Variants in POM121 observed in about 807,000 individuals in gnomAD.
The protein encoded by POM121 is POM121 transmembrane nucleoporin.
POM121 carries 32 observed loss-of-function variants against 81.3 expected under a neutral mutation model. The observed-to-expected ratio is 0.39, with a 90% CI of 0.30 to 0.53. The LOEUF (loss-of-function observed/expected upper bound fraction) is 0.53, where lower values mean the gene tolerates loss of function less well. Ranked by LOEUF, POM121 falls within the 20% of genes least tolerant of loss-of-function variation. POM121 has a pLI of 0.66. For missense variants in POM121, 1,138 were observed against 1,614.6 expected (o/e 0.70, Z 5.06); for synonymous variants, 514 against 694.2 (o/e 0.74, Z 4.08).
intron 3 of POM121, among the ~76,000 whole-genome samples, chr7:72,912,040 C>G (rs552057062): frequency 6.6e-6 from 1 of 152,182 alleles, no homozygotes. Context: ...TACAGGTTCA[C>G]GCTACCATGC....
intron 4 of POM121, among the ~76,000 whole-genome samples, chr7:72,919,921 T>C (rs1436489532): frequency 1.3e-5 from 2 of 152,236 alleles, no homozygotes; most frequent in South Asian, 2.1e-4. Context: ...CATTCTTATC[T>C]TTGTTCCTGT....
chr7:72,905,900 G>A (rs1292090590), intron 3 of POM121, among the ~76,000 whole-genome samples: 13 of 152,174 alleles, frequency 8.5e-5, no homozygotes, highest in African/African-American at 3.1e-4. Flanking sequence ...CTAAGCTTCC[G>A]TATATCCTGT....
At chr7:72,900,416 T>C (rs1792491279) in intron 3 of POM121, among the ~76,000 whole-genome samples, 1 of 151,938 alleles carries the variant, frequency 6.6e-6, no homozygotes, top group Admixed American at 6.6e-5. Flanking sequence ...TTATTTTTAA[T>C]TGATCTTTTC....
chr7:72,922,770 A>C (rs1416448085), upstream of POM121, among the ~76,000 whole-genome samples: 2 of 151,046 alleles, frequency 1.3e-5, no homozygotes, highest in African/African-American at 4.9e-5. Flanking sequence ...CATCTCTTGA[A>C]CTCTAAACAC....
intron 3 of POM121, among the ~76,000 whole-genome samples, chr7:72,899,671 A>C (rs375344762): frequency 2.1e-5 from 3 of 145,132 alleles, no homozygotes; most frequent in African/African-American, 5.1e-5. Flanking sequence ...CTCCGCCTCC[A>C]GGGTTCACAC....
At chr7:72,945,795 G>A (rs1797633134) in intron 12 of POM121, 87 bp downstream of exon 12, 2 of 1,515,562 alleles carry the variant, frequency 1.3e-6, no homozygotes, top group Non-Finnish European at 1.8e-6. Flanking sequence ...CTGAGGCCCG[G>A]TGAAGATCAG....
At chr7:72,914,723 G>T (rs1309311595) in intron 4 of POM121, among the ~76,000 whole-genome samples, 2 of 152,162 alleles carry the variant, frequency 1.3e-5, no homozygotes, top group African/African-American at 4.8e-5. Context: ...CACAAAGCAG[G>T]TGGTGGTAGG....
At chr7:72,939,519 G>A in intron 7 of POM121, 110 bp downstream of exon 7, 7 of 1,448,368 alleles carry the variant, frequency 4.8e-6, no homozygotes, top group Non-Finnish European at 6.5e-6. Context: ...CTATGTCTAA[G>A]GCATGTTAGA....
intron 5 of POM121, among the ~76,000 whole-genome samples, chr7:72,935,918 T>C (rs1156589107): frequency 6.6e-6 from 1 of 152,176 alleles, no homozygotes; most frequent in Non-Finnish European, 1.5e-5. Context: ...GTATGTTCTT[T>C]AGGATTTTAG....
chr7:72,946,446 A>G lies in POM121; in HGVS notation c.*212A>G, dbSNP rs1797698901. On this transcript the variant is annotated 3_prime_UTR_variant, in exon 13 of 13. Coordinates refer to ENST00000434423, the MANE Select transcript of POM121 (RefSeq NM_001387691.1). ...AAGGGGAAGCAGGATGCGGAGGGCC[A>G]AAGCCCGGGACCTCTACTTGAACAG... 7.1e-7 allele frequency: 1 copy of G among 1,402,244 alleles called. No homozygotes were observed. Among genetic ancestry groups the G allele is most frequent in the Non-Finnish European group, 9.3e-7 (1 of 1,075,680 alleles). 86.9% of individuals were successfully genotyped at this position (1,402,244 alleles called of 1,614,324 possible). A position where few individuals can be genotyped will look rare whatever the true frequency, so the allele number is the denominator to read the frequency against.
At chr7:72,937,603 C>T (rs1310962542) in intron 5 of POM121, among the ~76,000 whole-genome samples, 29 of 151,262 alleles carry the variant, frequency 1.9e-4, no homozygotes, top group African/African-American at 5.2e-4. Flanking sequence ...TTAAGCATTG[C>T]TGGCTTCCTG....
In POM121 at chr7:72,925,218, A is replaced by G. The variant is rs1191856612; in HGVS notation, c.97A>G (p.Arg33Gly). 8 of 1,529,436 alleles carry G rather than the reference A, an allele frequency of 5.2e-6. No homozygotes were observed. In the East Asian group the frequency reaches 1.5e-4, roughly 28 times the overall value. 94.7% of individuals were successfully genotyped at this position (1,529,436 alleles called of 1,614,324 possible). A position where few individuals can be genotyped will look rare whatever the true frequency, so the allele number is the denominator to read the frequency against. The change falls in exon 1 of 13, where the codon AGG (arginine) becomes GGG (glycine). Residue 33 changes from arginine (R) to glycine (G), a missense_variant. By Grantham distance (125) the Arg-to-Gly change is moderately radical. This residue lies in a region of POM121 where 646 missense variants were observed against 633.5 expected (regional missense o/e 1.02). Transcript: ENST00000434423. ...GRGRGCGGPA[R>G]AVLLGLSLVG... ...GGGCCGGGGCTGCGGCGGGCCGGCC[A>G]GGGCGGTGCTCCTGGGCCTGTCGCT...
intron 3 of POM121, among the ~76,000 whole-genome samples, chr7:72,908,974 G>A (rs1793549027): frequency 6.6e-6 from 1 of 152,204 alleles, no homozygotes; most frequent in South Asian, 2.1e-4. Flanking sequence ...ATGGGATTAA[G>A]AGATTAAAGA....
chr7:72,911,739 T>C (rs1171903738), intron 3 of POM121, among the ~76,000 whole-genome samples: 1 of 152,266 alleles, frequency 6.6e-6, no homozygotes, highest in Admixed American at 6.5e-5. Context: ...GTGGCAAGCA[T>C]GTAGGAGAGC....
In POM121 at chr7:72,893,237, G is replaced by A. The variant is rs1554491164; in HGVS notation, c.-216+2127G>A. On this transcript the variant is annotated intron_variant, in intron 3 of 15. Coordinates refer to the POM121 transcript ENST00000395270. The stretch of plus-strand genomic sequence containing the variant: ...GCTTTCCAAAGTGCTGGGATTACAG[G>A]CGTGAGCCACTGCACCCAGCCCCCT... 3.3e-5 allele frequency among the ~76,000 whole-genome samples: 5 copies of A among 152,138 alleles called. No individual in the cohort carries two copies. The East Asian group carries it at 7.9e-4, about 24-fold the overall frequency.
At chr7:72,911,552 A>G (rs1447614656) in intron 3 of POM121, among the ~76,000 whole-genome samples, 1 of 152,180 alleles carries the variant, frequency 6.6e-6, no homozygotes. Context: ...GCACCTTGCT[A>G]AAGAGCCTGC....
intron 3 of POM121, among the ~76,000 whole-genome samples, chr7:72,896,473 G>A (rs1390975774): frequency 1.4e-5 from 2 of 140,558 alleles, no homozygotes; most frequent in South Asian, 2.4e-4. Flanking sequence ...GTGACAGGGT[G>A]AGACCCTTTC....
intron 3 of POM121, among the ~76,000 whole-genome samples, chr7:72,893,903 G>T (rs1458751750): frequency 1.3e-5 from 2 of 152,116 alleles, no homozygotes; most frequent in African/African-American, 4.8e-5. Context: ...ACTCGGCGCC[G>T]TGTCTCTGTT....
upstream of POM121, among the ~76,000 whole-genome samples, chr7:72,922,611 G>A (rs1461860667): frequency 6.6e-6 from 1 of 151,038 alleles, no homozygotes; most frequent in Admixed American, 6.6e-5. Context: ...GGCTGGTCTC[G>A]AACTCCTGAG....
Sources: gnomAD v4.1 joint callset for allele counts (sites outside exome capture counted in the v4.1 genomes callset) on GRCh38, gnomAD v4.1.1 for gene constraint, gnomAD v4.1.1 regional missense constraint, MANE v1.5 for transcripts, NCBI Gene and HGNC (gene_info 2026-07-23, HGNC 2026-07-21) for gene names.